The following COL25A1 variants were observed in gnomAD, a reference collection of about 807,000 sequenced individuals.
COL25A1 encodes collagen alpha-1(XXV) chain.
COL25A1 carries 103 observed loss-of-function variants against 128.4 expected under a neutral mutation model. The observed-to-expected ratio is 0.80, with a 90% CI of 0.68 to 0.94. The LOEUF (loss-of-function observed/expected upper bound fraction) is 0.94. COL25A1 is among the 40% of genes least tolerant of loss of function. The pLI, the probability that COL25A1 is intolerant of heterozygous loss-of-function variation, is 0.00. For synonymous variants in COL25A1, 279 were observed against 277.2 expected, an observed-to-expected ratio of 1.01 and a Z score of -0.06; for missense variants, 745 against 840.0, an observed-to-expected ratio of 0.89 and a Z score of 1.40.
At chr4:109,171,547 C>A (rs1170548986) in intron 3 of COL25A1, among the ~76,000 whole-genome samples, 1 of 152,118 alleles carries the variant, frequency 6.6e-6, no homozygotes, top group Non-Finnish European at 1.5e-5. Flanking sequence ...AGACTAATTT[C>A]ATTTTTTCAA....
Position 108,940,526 on chromosome 4 carries a change from A to C in COL25A1, c.672+13T>G. 6.2e-7 allele frequency: 1 copy of C among 1,608,002 alleles called. No homozygotes were observed. Among genetic ancestry groups the C allele is most frequent in the Non-Finnish European group, 8.5e-7 (1 of 1,174,490 alleles). On this transcript the variant is annotated intron_variant, in intron 10 of 37. Transcript: ENST00000399132. ...AAAACGTGTGAGAATAAGTGATCCA[A>C]AAAGCGACTCACGGGTACTCCTGGC...
chr4:109,220,949 A>C (rs569503756), intron 3 of COL25A1, among the ~76,000 whole-genome samples: 1 of 152,222 alleles, frequency 6.6e-6, no homozygotes, highest in South Asian at 2.1e-4. Flanking sequence ...TATGGGTGAA[A>C]TGTAGAACCG....
At chr4:108,884,084 A>T in intron 19 of COL25A1, 94 bp downstream of exon 19, 5 of 1,268,928 alleles carry the variant, frequency 3.9e-6, no homozygotes, top group Non-Finnish European at 5.7e-6. Flanking sequence ...ACAGCATTCT[A>T]TTTTTAGTTT....
chr4:108,995,393 A>G (rs1291363024), intron 6 of COL25A1, among the ~76,000 whole-genome samples: 1 of 152,244 alleles, frequency 6.6e-6, no homozygotes, highest in Non-Finnish European at 1.5e-5. Context: ...AATTAATGAA[A>G]TAAAGTGAGA....
At chr4:108,982,125 C>A (rs542894709) in intron 6 of COL25A1, among the ~76,000 whole-genome samples, 5 of 152,102 alleles carry the variant, frequency 3.3e-5, no homozygotes, top group African/African-American at 1.2e-4. Flanking sequence ...ACCGAAGAGG[C>A]GGAGCTTGCA....
At chr4:109,097,929 T>A (rs369286400) in intron 3 of COL25A1, among the ~76,000 whole-genome samples, 11 of 152,042 alleles carry the variant, frequency 7.2e-5, no homozygotes, top group Admixed American at 2.6e-4. Flanking sequence ...CCCAAAGTGC[T>A]GGGATTACAG....
chr4:109,207,046 G>A (rs1019362272), intron 3 of COL25A1, among the ~76,000 whole-genome samples: 2 of 152,158 alleles, frequency 1.3e-5, no homozygotes, highest in African/African-American at 4.8e-5. Context: ...AGCCAAAATT[G>A]TATGAATCTG....
intron 3 of COL25A1, among the ~76,000 whole-genome samples, chr4:109,054,607 C>G (rs1420940582): frequency 6.6e-6 from 1 of 151,980 alleles, no homozygotes; most frequent in Non-Finnish European, 1.5e-5. Flanking sequence ...AGTTTCATCC[C>G]CAGAAGCATA....
At chr4:109,239,351 G>T (rs1779685975) in intron 3 of COL25A1, among the ~76,000 whole-genome samples, 1 of 142,128 alleles carries the variant, frequency 7.0e-6, no homozygotes. Flanking sequence ...ATTATATAAT[G>T]TAGCTCTATT....
chr4:108,941,294 G>A (rs1242950068), intron 9 of COL25A1, 72 bp downstream of exon 9: 62 of 1,245,578 alleles, frequency 5.0e-5, no homozygotes, highest in Non-Finnish European at 3.2e-5. Flanking sequence ...GAGATAAATC[G>A]TAAAGCAATA....
At chr4:109,291,418 C>T (rs1020672238) in intron 3 of COL25A1, among the ~76,000 whole-genome samples, 1 of 152,024 alleles carries the variant, frequency 6.6e-6, no homozygotes, top group Non-Finnish European at 1.5e-5. Flanking sequence ...AATATACAAA[C>T]ATCATCATTT....
At chr4:108,884,261 C>T (rs1355071996) in intron 18 of COL25A1, 39 bp from the exon 19 acceptor site, 1 of 1,544,402 alleles carries the variant, frequency 6.5e-7, no homozygotes, top group South Asian at 1.1e-5. Context: ...GAATGATATT[C>T]ACTCAGTCAC....
intron 3 of COL25A1, among the ~76,000 whole-genome samples, chr4:109,106,238 A>G (rs553698279): frequency 3.9e-4 from 60 of 152,282 alleles, no homozygotes; most frequent in Admixed American, 3.9e-3. Flanking sequence ...GTGACCTATG[A>G]CACCAGCCAC....
intron 3 of COL25A1, among the ~76,000 whole-genome samples, chr4:109,147,576 G>A (rs1771064773): frequency 6.6e-6 from 1 of 152,124 alleles, no homozygotes; most frequent in South Asian, 2.1e-4. Flanking sequence ...CAGCACTTTG[G>A]GAGGCCAGGG....
intron 3 of COL25A1, among the ~76,000 whole-genome samples, chr4:109,165,925 T>C (rs1162890460): frequency 6.6e-6 from 1 of 152,214 alleles, no homozygotes; most frequent in South Asian, 2.1e-4. Context: ...CTGAAATATC[T>C]TTAGTATCAA....
At chr4:108,998,752 G>C (rs1329113907) in intron 6 of COL25A1, among the ~76,000 whole-genome samples, 1 of 152,150 alleles carries the variant, frequency 6.6e-6, no homozygotes, top group Non-Finnish European at 1.5e-5. Context: ...GCATGGTACT[G>C]GTACCAAAAC....
At chr4:109,219,654 A>G (rs1028696063) in intron 3 of COL25A1, among the ~76,000 whole-genome samples, 1 of 152,146 alleles carries the variant, frequency 6.6e-6, no homozygotes, top group African/African-American at 2.4e-5. Context: ...ATTATTTTCC[A>G]TAAACTTAAC....
chr4:109,242,836 T>G (rs1779990216), intron 3 of COL25A1, among the ~76,000 whole-genome samples: 2 of 152,096 alleles, frequency 1.3e-5, no homozygotes, highest in African/African-American at 4.8e-5. Context: ...TGTTTTGATA[T>G]ACATAAGTGA....
chr4:109,173,411 A>T (rs1470373758), intron 3 of COL25A1, among the ~76,000 whole-genome samples: 1 of 152,152 alleles, frequency 6.6e-6, no homozygotes, highest in Admixed American at 6.5e-5. Flanking sequence ...GAATTAAATG[A>T]CCTTCAGTTA....
Sources: gnomAD v4.1 joint callset for allele counts (sites outside exome capture counted in the v4.1 genomes callset) on GRCh38, gnomAD v4.1.1 for gene constraint, MANE v1.5 for transcripts, NCBI Gene and HGNC (gene_info 2026-07-23, HGNC 2026-07-21) for gene names.